The following CELSR1 variants were observed in gnomAD, a reference collection of about 807,000 sequenced individuals.
CELSR1 encodes adhesion G protein-coupled receptor C1.
A neutral mutation model predicts 249.1 loss-of-function variants in CELSR1; 110 were observed. That is an observed-to-expected ratio of 0.44 (90% CI 0.38 to 0.52). The LOEUF (loss-of-function observed/expected upper bound fraction) is 0.52. Ranked by LOEUF, CELSR1 falls within the 20% of genes least tolerant of loss-of-function variation. The probability of loss-of-function intolerance (pLI) is 0.00; values close to 1 mark genes in which losing one functional copy is unlikely to be tolerated. For missense variants in CELSR1, 4,109 were observed against 4,296.4 expected (o/e 0.96, Z 1.22); for synonymous variants, 2,113 against 1,900.0 (o/e 1.11, Z -2.92).
At chr22:46,455,732 G>C (rs187694217) in intron 2 of CELSR1, among the ~76,000 whole-genome samples, 132 of 152,340 alleles carry the variant, frequency 8.7e-4, no homozygotes, top group African/African-American at 3.1e-3. Flanking sequence ...GTGCTGGTGG[G>C]CTGTGCCTGC....
At chr22:46,397,583 G>C (rs1340555526) in intron 12 of CELSR1, 91 bp downstream of exon 12, 51 of 1,207,950 alleles carry the variant, frequency 4.2e-5, no homozygotes, top group South Asian at 6.3e-5. Flanking sequence ...GAGTTGGCTG[G>C]GGACGCTAAT....
intron 1 of CELSR1, among the ~76,000 whole-genome samples, chr22:46,496,365 C>T (rs1043169174): frequency 5.3e-5 from 8 of 152,048 alleles, no homozygotes; most frequent in South Asian, 4.2e-4. Context: ...GTCAGGAGTT[C>T]GAGTCCAGCC....
intron 14 of CELSR1, 46 bp downstream of exon 14, chr22:46,394,096 G>C: frequency 6.3e-7 from 1 of 1,595,724 alleles, no homozygotes. Context: ...CTGTGCATGT[G>C]TGTGAGCAAA....
intron 1 of CELSR1, among the ~76,000 whole-genome samples, chr22:46,510,856 A>G (rs1014005649): frequency 1.1e-4 from 17 of 152,254 alleles, no homozygotes; most frequent in Middle Eastern, 6.8e-3. Flanking sequence ...TCATGCCTGT[A>G]ATCCCACCAG....
chr22:46,496,862 T>A (rs554380798), intron 1 of CELSR1, among the ~76,000 whole-genome samples: 7 of 152,134 alleles, frequency 4.6e-5, no homozygotes, highest in Non-Finnish European at 7.4e-5. Context: ...TTTTTTTTTT[T>A]AAATGTAAGT....
Position 46,476,692 on chromosome 22 carries a change from C to T in CELSR1, c.3545-12347G>A, listed in dbSNP as rs565908567. 5.3e-5 allele frequency among the ~76,000 whole-genome samples: 8 copies of T among 151,988 alleles called. No individual in the cohort carries two copies. The South Asian group carries it at 1.7e-3, about 32-fold the overall frequency. ...AGTGAAAGAAGCCAGACACGAAAGG[C>T]CACATAATCATGATTTCATTGATAT... On this transcript the variant is annotated intron_variant, in intron 1 of 34. Coordinates refer to ENST00000674500, the MANE Select transcript of CELSR1 (RefSeq NM_001378328.1).
rs1467522214 is a variant in CELSR1, at chr22:46,448,583, C to T, written c.4184-9172G>A. ...CTAAGAAACAGCTAAGAGCTTTGAA[C>T]TAGAAAAACTAGAATTTCCAAAGGC... On this transcript the variant is annotated intron_variant, in intron 2 of 34. Coordinates refer to ENST00000674500, the MANE Select transcript of CELSR1 (RefSeq NM_001378328.1). This position sits in a 1 kb window ranked among gnomAD's most constrained non-coding sequence, Gnocchi z 5.7. 4 of 434,124 alleles carry T rather than the reference C, an allele frequency of 9.2e-6. No homozygotes were observed. Among genetic ancestry groups the T allele is most frequent in the Non-Finnish European group, 1.8e-5 (4 of 218,958 alleles). The allele number at this position is 434,124 out of a possible 1,614,324, so 26.9% of individuals were successfully genotyped here.
intron 1 of CELSR1, among the ~76,000 whole-genome samples, chr22:46,469,255 G>A (rs1003203680): frequency 3.9e-5 from 6 of 152,218 alleles, no homozygotes; most frequent in East Asian, 3.9e-4. Context: ...GGTCCCTAAT[G>A]GCACCCAGCA....
At chr22:46,416,514 A>G (rs1052636566) in intron 5 of CELSR1, among the ~76,000 whole-genome samples, 3 of 152,220 alleles carry the variant, frequency 2.0e-5, no homozygotes, top group Non-Finnish European at 2.9e-5. Context: ...GACTGGAGAC[A>G]GCAGGGGCTG....
At position 46,460,178 on chromosome 22, in the gene CELSR1, AACACAC is replaced by A. The variant is rs544352270; in HGVS notation, c.4183+3523_4183+3528del. ...GTGACACAGTGAGACTCAGTCTCAA[AACACAC>A]ACACACACACACACACACACACACA... On this transcript the variant is annotated intron_variant, in intron 2 of 34. Transcript: ENST00000674500. Among the ~76,000 whole-genome samples the A allele has an allele frequency of 9.5e-4, 98 of 103,036 alleles. 1 individual carries two copies. The highest frequency in any genetic ancestry group is 2.0e-3 in the South Asian group (5 of 2,556). The allele number at this position is 103,036 out of a possible 152,430, so 67.6% of individuals were successfully genotyped here. A position where few individuals can be genotyped will look rare whatever the true frequency, so the allele number is the denominator to read the frequency against.
chr22:46,383,931 T>C (rs1263624251), intron 20 of CELSR1, among the ~76,000 whole-genome samples: 2 of 152,112 alleles, frequency 1.3e-5, no homozygotes, highest in African/African-American at 4.8e-5. Context: ...TGAGTATCCC[T>C]CAGCTGAAAT....
chr22:46,394,583 G>A (rs1199223996), intron 13 of CELSR1, among the ~76,000 whole-genome samples: 1 of 152,216 alleles, frequency 6.6e-6, no homozygotes, highest in Non-Finnish European at 1.5e-5. Flanking sequence ...TCACGATGCA[G>A]CCCCAGGCAG....
In CELSR1 at chr22:46,380,804, A is replaced by G. The variant is rs779113236; in HGVS notation, c.7240T>C (p.Trp2414Arg). 12 of 1,612,852 alleles carry G rather than the reference A, an allele frequency of 7.4e-6. No individual in the cohort carries two copies. Among genetic ancestry groups the G allele is most frequent in the Non-Finnish European group, 9.3e-6 (11 of 1,179,742 alleles). The change falls in exon 22 of 35, where the codon TGG (tryptophan) becomes CGG (arginine). Residue 2414 changes from tryptophan to arginine, a missense_variant. Trp to Arg is a moderately radical substitution (Grantham distance 101, BLOSUM62 -3). Around this residue, in one of 7 missense-constraint regions of CELSR1, gnomAD observed 1,805 missense variants for 1,831.6 expected, o/e 0.99. Transcript: ENST00000674500. This position sits in a 1 kb window ranked among gnomAD's most constrained non-coding sequence, Gnocchi z 5.1. ...EERTKPVCVF[W>R]NHSLAVGGTG... ...CACACTTACGCCAGGGAGTGGTTCCAGAACACGCAGACAGGCTTGGTTCGC... is the reference window on the plus strand; with the variant it reads ...CACACTTACGCCAGGGAGTGGTTCCGGAACACGCAGACAGGCTTGGTTCGC...
intron 2 of CELSR1, among the ~76,000 whole-genome samples, chr22:46,461,656 A>AG (rs145144008): frequency 0.01 from 1,538 of 152,370 alleles, 21 homozygotes; most frequent in Non-Finnish European, 0.012. Flanking sequence ...GTCACCCCCC[A>AG]GAACAGGCTG....
intron 1 of CELSR1, among the ~76,000 whole-genome samples, chr22:46,508,340 G>A (rs1242550303): frequency 2.0e-5 from 3 of 151,384 alleles, no homozygotes; most frequent in East Asian, 1.9e-4. Context: ...GGTGATGGGG[G>A]TGGAGGGTGG....
At chr22:46,385,975 C>CTT (rs562430150) in intron 19 of CELSR1, among the ~76,000 whole-genome samples, 13 of 137,692 alleles carry the variant, frequency 9.4e-5, no homozygotes, top group Admixed American at 4.2e-4. Flanking sequence ...CCGCGCCCGG[C>CTT]TTTTTTTTTT....
chr22:46,534,308 G>A lies in CELSR1; in HGVS notation c.2863C>T (p.Arg955Trp), dbSNP rs201855257. The change falls in exon 1 of 35, where the codon CGG becomes TGG. Residue 955 changes from arginine (R) to tryptophan (W), a missense_variant. By Grantham distance (101) the Arg-to-Trp change is moderately radical. This residue lies in a region of CELSR1 where 886 missense variants were observed against 896.5 expected (regional missense o/e 0.99). Coordinates refer to ENST00000674500, the MANE Select transcript of CELSR1 (RefSeq NM_001378328.1). The surrounding 1 kb of genome is among the most constrained non-coding windows in gnomAD (Gnocchi z 9.7). ...PTSGVIRTQR[R>W]LDRENVAVYN... ...ACGGCCACATTCTCCCGGTCCAGCC[G>A]GCGCTGGGTGCGAATCACACCGGAC... is the stretch of plus-strand genomic sequence containing the variant. 56 of 1,613,072 alleles carry A rather than the reference G, an allele frequency of 3.5e-5. No homozygotes were observed. The East Asian group carries it at 4.5e-4, about 13-fold the overall frequency.
chr22:46,504,519 A>C (rs2080496165), intron 1 of CELSR1, among the ~76,000 whole-genome samples: 1 of 91,894 alleles, frequency 1.1e-5, no homozygotes. Flanking sequence ...AAAAAAAAAA[A>C]ACAAAAAAAA....
At position 46,537,044 on chromosome 22, in the gene CELSR1, C is replaced by G. The variant is rs2080866576; in HGVS notation, c.127G>C (p.Ala43Pro). 21 of 1,093,060 alleles carry G rather than the reference C, an allele frequency of 1.9e-5. No individual in the cohort carries two copies. Among genetic ancestry groups the G allele is most frequent in the Non-Finnish European group, 2.3e-5 (21 of 899,932 alleles). The allele number at this position is 1,093,060 out of a possible 1,614,324, so 67.7% of individuals were successfully genotyped here. Reference sequence around the variant, plus strand: ...GCGTAGGTACAGCCGGGCCGGAGGGCGAAGGCGCGGGTCCCGCCGGGTACG... The same window carrying G: ...GCGTAGGTACAGCCGGGCCGGAGGGGGAAGGCGCGGGTCCCGCCGGGTACG... ...PRVPGGTRAFALRPGCTYAVG... is the reference protein window; with the variant it reads ...PRVPGGTRAFPLRPGCTYAVG... The change falls in exon 1 of 35, where the codon GCC becomes CCC. Residue 43 changes from alanine to proline, a missense_variant. Physicochemically the swap from Ala to Pro is conservative, Grantham distance 27. Around this residue, in one of 7 missense-constraint regions of CELSR1, gnomAD observed 673 missense variants for 636.8 expected, o/e 1.06. Coordinates refer to ENST00000674500, the MANE Select transcript of CELSR1 (RefSeq NM_001378328.1). The surrounding 1 kb of genome is among the most constrained non-coding windows in gnomAD (Gnocchi z 5.8).
Sources: gnomAD v4.1 joint callset for allele counts (sites outside exome capture counted in the v4.1 genomes callset) on GRCh38, gnomAD v4.1.1 for gene constraint, gnomAD v4.1.1 regional missense constraint, Gnocchi (gnomAD v3.1) non-coding constraint, MANE v1.5 for transcripts, NCBI Gene and HGNC (gene_info 2026-07-23, HGNC 2026-07-21) for gene names.